The following NRXN3 variants were observed in gnomAD, a reference collection of about 807,000 sequenced individuals.
The protein encoded by NRXN3 is neurexin III.
NRXN3 carries 32 observed loss-of-function variants against 137.6 expected under a neutral mutation model. That is an observed-to-expected ratio of 0.23 (90% CI 0.18 to 0.31). NRXN3 has a LOEUF of 0.31. Among genes scored for constraint, NRXN3 ranks in the 10% least tolerant of loss-of-function variants. The pLI is 1.00. For synonymous variants in NRXN3, 798 were observed against 784.5 expected (o/e 1.02, Z -0.29); for missense variants, 1,574 against 2,062.5 (o/e 0.76, Z 4.59).
chr14:78,481,403 G>A (rs1395410099), intron 4 of NRXN3, among the ~76,000 whole-genome samples: 1 of 152,028 alleles, frequency 6.6e-6, no homozygotes, highest in Non-Finnish European at 1.5e-5. Context: ...GAAAATATTA[G>A]CTTTCACTCA....
intron 16 of NRXN3, among the ~76,000 whole-genome samples, chr14:79,517,790 C>T (rs1051013632): frequency 1.3e-5 from 2 of 150,688 alleles, no homozygotes; most frequent in Admixed American, 6.6e-5. Flanking sequence ...CTGTATTGGT[C>T]TGTCAGTGCA....
chr14:78,507,223 G>A (rs1018819772), intron 4 of NRXN3, among the ~76,000 whole-genome samples: 21 of 152,118 alleles, frequency 1.4e-4, no homozygotes, highest in African/African-American at 3.6e-4. Context: ...TCCATGGGTT[G>A]AAATAATCAT....
At chr14:78,528,834 T>C (rs2096418345) in intron 4 of NRXN3, among the ~76,000 whole-genome samples, 1 of 152,198 alleles carries the variant, frequency 6.6e-6, no homozygotes, top group Admixed American at 6.6e-5. Context: ...GTGTTTTAAA[T>C]GTTGCATTAA....
At chr14:79,791,646 C>T (rs1022937153) in intron 19 of NRXN3, among the ~76,000 whole-genome samples, 6 of 151,436 alleles carry the variant, frequency 4.0e-5, no homozygotes, top group African/African-American at 1.5e-4. Context: ...TTGGCTTTCC[C>T]CCCAACTTGC....
intron 16 of NRXN3, among the ~76,000 whole-genome samples, chr14:79,572,065 T>C (rs2097609001): frequency 6.6e-6 from 1 of 152,164 alleles, no homozygotes; most frequent in South Asian, 2.1e-4. Context: ...TCATGACAAA[T>C]CTTGCTTATT....
chr14:78,578,519 A>T (rs2096959595), intron 4 of NRXN3, among the ~76,000 whole-genome samples: 1 of 152,074 alleles, frequency 6.6e-6, no homozygotes, highest in Admixed American at 6.6e-5. Flanking sequence ...CTTGTTCTTT[A>T]TTTCTTTTTC....
At chr14:79,630,058 A>C (rs550481834) in intron 16 of NRXN3, among the ~76,000 whole-genome samples, 1 of 152,342 alleles carries the variant, frequency 6.6e-6, no homozygotes, top group East Asian at 1.9e-4. Flanking sequence ...ACATAATAAC[A>C]CAGAGTCAGC....
chr14:78,332,500 G>C (rs2080953061), intron 4 of NRXN3, among the ~76,000 whole-genome samples: 1 of 151,966 alleles, frequency 6.6e-6, no homozygotes, highest in Admixed American at 6.6e-5. Flanking sequence ...ATTTTTAGTA[G>C]AGATGGGGTT....
At chr14:79,692,332 A>G (rs1603432279) in intron 18 of NRXN3, 70 bp downstream of exon 18, 1 of 1,139,970 alleles carries the variant, frequency 8.8e-7, no homozygotes, top group Non-Finnish European at 1.3e-6. Flanking sequence ...GCCTGCAAAT[A>G]AATGTTCCTT....
intron 15 of NRXN3, among the ~76,000 whole-genome samples, chr14:79,350,721 A>G (rs1218061787): frequency 6.6e-6 from 1 of 152,064 alleles, no homozygotes; most frequent in Non-Finnish European, 1.5e-5. Context: ...ATTAGAGTTT[A>G]AAATCGGGGC....
At chr14:79,632,712 TTAAG>T (rs779194712) in intron 16 of NRXN3, among the ~76,000 whole-genome samples, 72 of 152,260 alleles carry the variant, frequency 4.7e-4, no homozygotes, top group Non-Finnish European at 7.6e-4. Context: ...AGTCACAATA[TTAAG>T]TATTTTATAT....
intron 4 of NRXN3, among the ~76,000 whole-genome samples, chr14:78,586,907 T>C (rs879356929): frequency 5.3e-5 from 8 of 152,252 alleles, no homozygotes; most frequent in Admixed American, 2.6e-4. Context: ...TGTGACAACA[T>C]TGGCTGGCAG....
At chr14:78,857,944 C>CT (rs2099062036) in intron 10 of NRXN3, among the ~76,000 whole-genome samples, 1 of 152,114 alleles carries the variant, frequency 6.6e-6, no homozygotes, top group East Asian at 1.9e-4. Flanking sequence ...TACCCTTATC[C>CT]AAGATTCTGA....
intron 16 of NRXN3, among the ~76,000 whole-genome samples, chr14:79,491,055 T>C (rs913287106): frequency 1.6e-4 from 24 of 152,302 alleles, no homozygotes; most frequent in South Asian, 8.3e-4. Context: ...TGCCAGGGTG[T>C]ATATGTATGT....
At position 78,550,387 on chromosome 14, in the gene NRXN3, C is replaced by T. The variant is rs111840488; in HGVS notation, c.758-94733C>T. ...TCTTTCTCTTGGTTTCTCCTTGACA[C>T]TTCTCCCCAATGAACCCATGGTGCA... On this transcript the variant is annotated intron_variant, in intron 4 of 20. Coordinates refer to ENST00000335750, the MANE Select transcript of NRXN3 (RefSeq NM_001330195.2). 1.2e-4 allele frequency among the ~76,000 whole-genome samples: 19 copies of T among 152,232 alleles called. 1 individual carries two copies. Among genetic ancestry groups the T allele is most frequent in the African/African-American group, 3.9e-4 (16 of 41,534 alleles).
At chr14:78,565,308 C>T (rs1249039942) in intron 4 of NRXN3, among the ~76,000 whole-genome samples, 1 of 152,174 alleles carries the variant, frequency 6.6e-6, no homozygotes, top group African/African-American at 2.4e-5. Flanking sequence ...CAGAGCTCTA[C>T]CACCAGGATT....
At chr14:79,712,427 T>A (rs374306239) in intron 19 of NRXN3, among the ~76,000 whole-genome samples, 2 of 152,228 alleles carry the variant, frequency 1.3e-5, no homozygotes, top group East Asian at 3.8e-4. Context: ...TAATATCGCC[T>A]ATTGAAAACA....
At chr14:79,622,049 C>T (rs1345768558) in intron 16 of NRXN3, among the ~76,000 whole-genome samples, 2 of 152,172 alleles carry the variant, frequency 1.3e-5, no homozygotes, top group African/African-American at 4.8e-5. Flanking sequence ...GGCTAGAATA[C>T]TGAATTAGGG....
At chr14:78,658,325 A>G (rs1195044855) in intron 6 of NRXN3, among the ~76,000 whole-genome samples, 1 of 152,208 alleles carries the variant, frequency 6.6e-6, no homozygotes, top group Admixed American at 6.5e-5. Context: ...TTCTTCATCT[A>G]TAAAGACAGA....
Sources: gnomAD v4.1 joint callset for allele counts (sites outside exome capture counted in the v4.1 genomes callset) on GRCh38, gnomAD v4.1.1 for gene constraint, MANE v1.5 for transcripts, NCBI Gene and HGNC (gene_info 2026-07-23, HGNC 2026-07-21) for gene names.